Variants in BICD1 observed in about 807,000 individuals in gnomAD.
The protein encoded by BICD1 is BICD cargo adaptor 1.
Under a neutral mutation model 92.5 loss-of-function variants are expected in BICD1, and 35 were observed. The observed-to-expected ratio is 0.38, with a 90% CI of 0.29 to 0.50. The LOEUF is 0.50. BICD1 is among the 20% of genes least tolerant of loss of function. The probability of loss-of-function intolerance (pLI) is 0.93; values close to 1 mark genes in which losing one functional copy is unlikely to be tolerated. For synonymous variants in BICD1, 429 were observed against 465.1 expected (o/e 0.92, Z 1.00); for missense variants, 950 against 1,189.8 (o/e 0.80, Z 2.97).
At chr12:32,231,621 G>A (rs1477049743) in intron 2 of BICD1, among the ~76,000 whole-genome samples, 1 of 150,918 alleles carries the variant, frequency 6.6e-6, no homozygotes, top group Admixed American at 6.6e-5. Flanking sequence ...TAAGTTTTAG[G>A]GTACATGTGC....
intron 2 of BICD1, among the ~76,000 whole-genome samples, chr12:32,240,828 A>G (rs1041937040): frequency 4.6e-5 from 7 of 152,368 alleles, no homozygotes; most frequent in Non-Finnish European, 7.3e-5. Context: ...TTGGCTACAA[A>G]TGAATTCTTT....
intron 3 of BICD1, among the ~76,000 whole-genome samples, chr12:32,300,676 C>T (rs1343713045): frequency 1.7e-5 from 2 of 117,310 alleles, no homozygotes; most frequent in African/African-American, 6.2e-5. Flanking sequence ...CAGAGTCCAG[C>T]TCTTTTGCCC....
intron 1 of BICD1, among the ~76,000 whole-genome samples, chr12:32,178,437 G>A (rs946482842): frequency 9.9e-5 from 15 of 151,894 alleles, no homozygotes; most frequent in African/African-American, 3.4e-4. Context: ...ACATAGGCTC[G>A]GTGCCTACCT....
At chr12:32,154,135 C>CT (rs773231227) in intron 1 of BICD1, among the ~76,000 whole-genome samples, 4 of 152,050 alleles carry the variant, frequency 2.6e-5, no homozygotes, top group Admixed American at 6.6e-5. Flanking sequence ...TCACCCAACT[C>CT]TAAGATTTTT....
rs183150519 is a variant in BICD1 at position 32,261,392 on chromosome 12, C to T, written c.427-32602C>T. ...GTGCTTGTTGGTCAGTTGGATGTGC[C>T]CTTCTGCTCAGGTCTTTGTGGGCTC... On this transcript the variant is annotated intron_variant, in intron 2 of 9. Coordinates refer to ENST00000652176, the MANE Select transcript of BICD1 (RefSeq NM_001714.4). Among the ~76,000 whole-genome samples the T allele has an allele frequency of 4.6e-5, 7 of 152,224 alleles. No homozygotes were observed. In the East Asian group the frequency reaches 1.4e-3, roughly 29 times the overall value.
chr12:32,257,523 C>A (rs1247594856), intron 2 of BICD1, among the ~76,000 whole-genome samples: 1 of 151,898 alleles, frequency 6.6e-6, no homozygotes, highest in Non-Finnish European at 1.5e-5. Flanking sequence ...CAGGAACTCT[C>A]AAACATTGAG....
intron 8 of BICD1, among the ~76,000 whole-genome samples, chr12:32,360,445 G>A (rs1304907637): frequency 1.3e-5 from 2 of 152,162 alleles, no homozygotes; most frequent in Admixed American, 1.3e-4. Context: ...AACAAACTTT[G>A]CCTCATCCTC....
chr12:32,337,697 C>G lies in BICD1; in HGVS notation c.2451C>G (p.Gly817=), dbSNP rs1394197614. ...GCAAACTTGGAAAGAGCAAGATCGG[C>G]AGCCCTAAAGTAAGTGGGGAGGCAT... ...SKGKLGKSKI[G]SPKVSGEASV... The change falls in exon 7 of 10, where the codon GGC becomes GGG. Residue 817 remains glycine (G), a synonymous_variant. Transcript: ENST00000652176. The surrounding 1 kb of genome is among the most constrained non-coding windows in gnomAD (Gnocchi z 4.7). 3.7e-6 allele frequency: 6 copies of G among 1,614,084 alleles called. No homozygotes were observed. In the Admixed American group the frequency reaches 1.0e-4, roughly 27 times the overall value.
At chr12:32,187,892 T>TTG in intron 1 of BICD1, among the ~76,000 whole-genome samples, 1 of 152,296 alleles carries the variant, frequency 6.6e-6, no homozygotes, top group African/African-American at 2.4e-5. Flanking sequence ...TGTTGTTGTT[T>TTG]TTTGAGACGG....
At chr12:32,160,962 C>CAGAATATA (rs1943582632) in intron 1 of BICD1, among the ~76,000 whole-genome samples, 3 of 152,152 alleles carry the variant, frequency 2.0e-5, no homozygotes, top group Non-Finnish European at 4.4e-5. Flanking sequence ...ATTAAAAACA[C>CAGAATATA]ACATTTATAC....
chr12:32,286,569 G>A (rs11051902), intron 2 of BICD1, among the ~76,000 whole-genome samples: 18,903 of 152,170 alleles, frequency 0.12, 1,284 homozygotes, highest in East Asian at 0.22. Context: ...CCAAGGAACA[G>A]AAGGCAGAAA....
intron 2 of BICD1, among the ~76,000 whole-genome samples, chr12:32,243,739 T>A (rs544488460): frequency 6.6e-6 from 1 of 152,316 alleles, no homozygotes; most frequent in Non-Finnish European, 1.5e-5. Context: ...TAGAGTGCCC[T>A]TTAAGCAGAG....
chr12:32,357,771 C>G (rs1939174553), intron 8 of BICD1, among the ~76,000 whole-genome samples: 1 of 152,162 alleles, frequency 6.6e-6, no homozygotes, highest in Admixed American at 6.5e-5. Flanking sequence ...CTCTTCTTTA[C>G]AAGGACACCA....
chr12:32,303,819 A>G (rs1226740364), intron 3 of BICD1, among the ~76,000 whole-genome samples: 2 of 152,200 alleles, frequency 1.3e-5, no homozygotes, highest in African/African-American at 4.8e-5. Context: ...TCACGCCTGT[A>G]ATCCCAGCAC....
At chr12:32,359,023 AAG>A (rs1332862052) in intron 8 of BICD1, among the ~76,000 whole-genome samples, 1 of 152,202 alleles carries the variant, frequency 6.6e-6, no homozygotes, top group Non-Finnish European at 1.5e-5. Flanking sequence ...AGAAAGAAGA[AAG>A]AGAGATATCC....
At chr12:32,228,111 T>C (rs1194343251) in intron 2 of BICD1, 2 of 207,546 alleles carry the variant, frequency 9.6e-6, no homozygotes, top group Non-Finnish European at 2.1e-5. Context: ...CTTGGTGTTC[T>C]TGATCACTCT....
chr12:32,237,018 G>A (rs7971625), intron 2 of BICD1, among the ~76,000 whole-genome samples: 19,030 of 151,590 alleles, frequency 0.13, 1,970 homozygotes, highest in African/African-American at 0.28. Context: ...GGGACTACTG[G>A]TGCCCGCCAC....
chr12:32,124,051 C>G (rs1207977739), intron 1 of BICD1, among the ~76,000 whole-genome samples: 1 of 152,178 alleles, frequency 6.6e-6, no homozygotes, highest in Non-Finnish European at 1.5e-5. Flanking sequence ...GCTCTCTGTC[C>G]TTTATTCTCC....
At chr12:32,303,119 G>A (rs1189549882) in intron 3 of BICD1, among the ~76,000 whole-genome samples, 1 of 151,612 alleles carries the variant, frequency 6.6e-6, no homozygotes, top group Non-Finnish European at 1.5e-5. Flanking sequence ...ATTTTTTGTA[G>A]AGAGAGGGTT....
Sources: gnomAD v4.1 joint callset for allele counts (sites outside exome capture counted in the v4.1 genomes callset) on GRCh38, gnomAD v4.1.1 for gene constraint, Gnocchi (gnomAD v3.1) non-coding constraint, MANE v1.5 for transcripts, NCBI Gene and HGNC (gene_info 2026-07-23, HGNC 2026-07-21) for gene names.